HACD2: variants seen among roughly 807,000 people sequenced by gnomAD.
HACD2 encodes the protein very-long-chain (3R)-3-hydroxyacyl-CoA dehydratase 2.
A neutral mutation model predicts 31.0 loss-of-function variants in HACD2; 15 were observed. The ratio of observed to expected loss-of-function variants is 0.48; its 90% confidence interval spans 0.32 to 0.75. The LOEUF is 0.75. HACD2 is among the 30% of genes least tolerant of loss of function. The pLI, the probability that HACD2 is intolerant of heterozygous loss-of-function variation, is 0.03. For missense variants in HACD2, 283 were observed against 313.0 expected (o/e 0.90, Z 0.72); for synonymous variants, 115 against 122.2 (o/e 0.94, Z 0.39).
chr3:123,511,074 G>A (rs567084684), intron 4 of HACD2, among the ~76,000 whole-genome samples: 34 of 151,470 alleles, frequency 2.2e-4, no homozygotes, highest in African/African-American at 7.8e-4. Flanking sequence ...CTTATTGGCT[G>A]TTTTATATCT....
intron 2 of HACD2, among the ~76,000 whole-genome samples, chr3:123,568,987 A>G (rs2056824365): frequency 6.6e-6 from 1 of 152,206 alleles, no homozygotes; most frequent in Admixed American, 6.5e-5. Flanking sequence ...TAGTTATGAG[A>G]GATCTACAGA....
intron 4 of HACD2, among the ~76,000 whole-genome samples, chr3:123,507,169 T>C (rs9853729): frequency 0.035 from 5,382 of 152,196 alleles, 103 homozygotes; most frequent in Middle Eastern, 0.088. Context: ...GTGGAAGGAT[T>C]GCTTGAGCCC....
At chr3:123,500,257 CT>C (rs2055885544) in intron 6 of HACD2, among the ~76,000 whole-genome samples, 1 of 152,158 alleles carries the variant, frequency 6.6e-6, no homozygotes, top group African/African-American at 2.4e-5. Flanking sequence ...CATACTTAAC[CT>C]AGCCTGGTAT....
chr3:123,578,250 C>A (rs2056928552), intron 2 of HACD2, among the ~76,000 whole-genome samples: 1 of 152,128 alleles, frequency 6.6e-6, no homozygotes, highest in South Asian at 2.1e-4. Flanking sequence ...CACATTTTAT[C>A]CATGAGTAGC....
intron 4 of HACD2, among the ~76,000 whole-genome samples, chr3:123,520,819 C>A (rs967052758): frequency 6.6e-6 from 1 of 152,112 alleles, no homozygotes; most frequent in Non-Finnish European, 1.5e-5. Flanking sequence ...CTTGTTTCCC[C>A]GTGTTATTCA....
chr3:123,508,568 T>C (rs1044543527), intron 4 of HACD2, among the ~76,000 whole-genome samples: 2 of 152,210 alleles, frequency 1.3e-5, no homozygotes, highest in Non-Finnish European at 2.9e-5. Context: ...AGAAACCCTA[T>C]TCTTCTTAGC....
At chr3:123,552,699 A>C (rs2056632113) in intron 3 of HACD2, among the ~76,000 whole-genome samples, 1 of 152,228 alleles carries the variant, frequency 6.6e-6, no homozygotes, top group Non-Finnish European at 1.5e-5. Context: ...CTATGAAAAA[A>C]ATACATGTTT....
At chr3:123,581,986 C>T (rs1354732861) in intron 2 of HACD2, among the ~76,000 whole-genome samples, 3 of 151,892 alleles carry the variant, frequency 2.0e-5, no homozygotes, top group Non-Finnish European at 4.4e-5. Context: ...GTTGATTTCC[C>T]AAAAAAGTCG....
intron 3 of HACD2, among the ~76,000 whole-genome samples, 169 bp downstream of exon 3, chr3:123,567,593 C>A (rs2107747850): frequency 6.6e-6 from 1 of 152,258 alleles, no homozygotes; most frequent in South Asian, 2.1e-4. Flanking sequence ...CTAAATAGTA[C>A]CTATGATTTC....
At chr3:123,505,690 T>C (rs376906075) in intron 4 of HACD2, among the ~76,000 whole-genome samples, 1 of 152,166 alleles carries the variant, frequency 6.6e-6, no homozygotes, top group South Asian at 2.1e-4. Context: ...TGTAAATAGA[T>C]GAGACCCCAT....
In HACD2 at chr3:123,550,925, T is replaced by C. The variant is rs568657576; in HGVS notation, c.292+16837A>G. Among the ~76,000 whole-genome samples, 4 of 152,220 alleles carry C rather than the reference T, an allele frequency of 2.6e-5. No individual in the cohort carries two copies. The East Asian group carries it at 7.7e-4, about 29-fold the overall frequency. ...GGATGCAGGGAGAAAGAAGAACCCATGAGGGAATCTCAGGACAAAGGCAGG... is the reference window on the plus strand; with the variant it reads ...GGATGCAGGGAGAAAGAAGAACCCACGAGGGAATCTCAGGACAAAGGCAGG... On this transcript the variant is annotated intron_variant, in intron 3 of 6. Transcript: ENST00000383657.
intron 4 of HACD2, among the ~76,000 whole-genome samples, chr3:123,508,059 G>A (rs1438456230): frequency 1.3e-5 from 2 of 152,078 alleles, no homozygotes; most frequent in Non-Finnish European, 2.9e-5. Flanking sequence ...AAGATAAAAG[G>A]GGCATTTAGG....
intron 1 of HACD2, among the ~76,000 whole-genome samples, chr3:123,582,940 C>CA (rs1325630233): frequency 6.6e-6 from 1 of 152,096 alleles, no homozygotes; most frequent in Non-Finnish European, 1.5e-5. Flanking sequence ...CTTAAGCATA[C>CA]AGCTGTGAAT....
chr3:123,516,384 G>A (rs1175467412), intron 4 of HACD2, among the ~76,000 whole-genome samples: 3 of 152,030 alleles, frequency 2.0e-5, no homozygotes, highest in Admixed American at 6.5e-5. Flanking sequence ...ACAGGCGCCC[G>A]CTGCGACGCC....
chr3:123,511,076 T>C (rs1336378099), intron 4 of HACD2, among the ~76,000 whole-genome samples: 1 of 152,150 alleles, frequency 6.6e-6, no homozygotes, highest in African/African-American at 2.4e-5. Flanking sequence ...TATTGGCTGT[T>C]TTATATCTTC....
chr3:123,501,071 T>C (rs2055896409), intron 5 of HACD2, among the ~76,000 whole-genome samples: 1 of 152,012 alleles, frequency 6.6e-6, no homozygotes, highest in African/African-American at 2.4e-5. Flanking sequence ...GGGGTTGGGG[T>C]GGTAGTGGCG....
intron 3 of HACD2, among the ~76,000 whole-genome samples, chr3:123,558,378 T>C (rs1222707989): frequency 6.6e-6 from 1 of 152,208 alleles, no homozygotes; most frequent in African/African-American, 2.4e-5. Flanking sequence ...ACCCAACGAT[T>C]GTACAATGCT....
At chr3:123,523,710 C>T (rs1473529856) in intron 4 of HACD2, among the ~76,000 whole-genome samples, 1 of 152,174 alleles carries the variant, frequency 6.6e-6, no homozygotes, top group Admixed American at 6.5e-5. Flanking sequence ...CACTGTGTTA[C>T]CTCAGGTGGG....
At chr3:123,503,937 T>C (rs1268623184) in intron 4 of HACD2, among the ~76,000 whole-genome samples, 3 of 152,216 alleles carry the variant, frequency 2.0e-5, no homozygotes, top group Non-Finnish European at 4.4e-5. Context: ...GCGGTCCACC[T>C]ACACAATGAA....
Sources: gnomAD v4.1 joint callset for allele counts (sites outside exome capture counted in the v4.1 genomes callset) on GRCh38, gnomAD v4.1.1 for gene constraint, MANE v1.5 for transcripts, NCBI Gene and HGNC (gene_info 2026-07-23, HGNC 2026-07-21) for gene names.